The following CTNND2 variants were observed in gnomAD, a reference collection of about 807,000 sequenced individuals.
The protein encoded by CTNND2 is catenin delta-2.
Under a neutral mutation model 144.4 loss-of-function variants are expected in CTNND2, and 22 were observed. That is an observed-to-expected ratio of 0.15 (90% CI 0.11 to 0.22). The LOEUF is 0.22. Ranked by LOEUF, CTNND2 falls within the 10% of genes least tolerant of loss-of-function variation. The pLI, the probability that CTNND2 is intolerant of heterozygous loss-of-function variation, is 1.00. For synonymous variants in CTNND2, 751 were observed against 695.6 expected (o/e 1.08, Z -1.25); for missense variants, 1,353 against 1,618.8 (o/e 0.84, Z 2.82).
chr5:11,169,573 C>A (rs1003911410), intron 11 of CTNND2, among the ~76,000 whole-genome samples: 1 of 152,230 alleles, frequency 6.6e-6, no homozygotes, highest in East Asian at 1.9e-4. Flanking sequence ...CAGCACACAT[C>A]TTGGCAAGGC....
chr5:11,494,071 T>A (rs1769709342), intron 3 of CTNND2, among the ~76,000 whole-genome samples: 1 of 152,196 alleles, frequency 6.6e-6, no homozygotes, highest in Admixed American at 6.5e-5. Context: ...TATTGAAATT[T>A]AAAGGACTGT....
chr5:11,136,119 A>G (rs7732347), intron 12 of CTNND2, among the ~76,000 whole-genome samples: 94,393 of 151,896 alleles, frequency 0.62, 29,384 homozygotes, highest in East Asian at 0.73. Flanking sequence ...GTGAAGCAGA[A>G]AGCAGCCCTC....
intron 1 of CTNND2, among the ~76,000 whole-genome samples, chr5:11,810,857 G>A (rs1410900500): frequency 6.6e-6 from 1 of 151,196 alleles, no homozygotes; most frequent in Non-Finnish European, 1.5e-5. Context: ...GGCACTTAAG[G>A]GCCTATTTTT....
At chr5:11,295,279 C>T (rs10474918) in intron 9 of CTNND2, among the ~76,000 whole-genome samples, 12,242 of 151,920 alleles carry the variant, frequency 0.081, 587 homozygotes, top group Admixed American at 0.12. Context: ...TTACAAGGGA[C>T]GTGAAGGACC....
At chr5:11,892,295 C>T (rs1462113167) in intron 1 of CTNND2, among the ~76,000 whole-genome samples, 3 of 152,212 alleles carry the variant, frequency 2.0e-5, no homozygotes, top group African/African-American at 7.2e-5. Flanking sequence ...AATAGCCTAC[C>T]TTATTTGTCT....
intron 2 of CTNND2, among the ~76,000 whole-genome samples, chr5:11,596,236 T>C (rs978542749): frequency 6.6e-6 from 1 of 152,224 alleles, no homozygotes; most frequent in Non-Finnish European, 1.5e-5. Context: ...GAATACTGCA[T>C]CCTAATCACC....
intron 9 of CTNND2, among the ~76,000 whole-genome samples, chr5:11,265,101 A>G (rs983284559): frequency 6.6e-6 from 1 of 152,192 alleles, no homozygotes; most frequent in African/African-American, 2.4e-5. Context: ...CAAAAGAAAG[A>G]TATCAACAAG....
chr5:11,709,742 T>C (rs1261048483), intron 2 of CTNND2, among the ~76,000 whole-genome samples: 2 of 152,184 alleles, frequency 1.3e-5, no homozygotes, highest in African/African-American at 4.8e-5. Context: ...TGTCAGTAAG[T>C]ATAAGGTTGG....
intron 2 of CTNND2, 123 bp from the exon 3 acceptor site, chr5:11,565,179 G>T (rs1776979233): frequency 1.4e-6 from 1 of 710,050 alleles, no homozygotes; most frequent in Non-Finnish European, 2.5e-6. Flanking sequence ...TTTGAGAAAT[G>T]TGCAATAAAA....
chr5:11,287,929 G>A (rs988916918), intron 9 of CTNND2, among the ~76,000 whole-genome samples: 12 of 152,076 alleles, frequency 7.9e-5, no homozygotes, highest in African/African-American at 2.9e-4. Context: ...ATTTTCCTCA[G>A]CTGTAGTTTT....
intron 2 of CTNND2, among the ~76,000 whole-genome samples, chr5:11,574,421 G>T (rs1777814377): frequency 6.6e-6 from 1 of 152,102 alleles, no homozygotes; most frequent in Admixed American, 6.6e-5. Context: ...TAACAGTTCA[G>T]AAACCCATTG....
intron 9 of CTNND2, among the ~76,000 whole-genome samples, chr5:11,314,539 T>C (rs1175001080): frequency 1.3e-5 from 2 of 152,158 alleles, no homozygotes; most frequent in Non-Finnish European, 2.9e-5. Context: ...TTATTATTAC[T>C]ACTATTTGTA....
intron 2 of CTNND2, among the ~76,000 whole-genome samples, chr5:11,660,397 G>A (rs756531211): frequency 1.0e-3 from 152 of 152,134 alleles, no homozygotes; most frequent in Non-Finnish European, 1.2e-3. Context: ...AGGGATATCT[G>A]ACTCTGGGAA....
At chr5:11,774,191 G>C (rs1160456915) in intron 1 of CTNND2, among the ~76,000 whole-genome samples, 2 of 151,978 alleles carry the variant, frequency 1.3e-5, no homozygotes, top group Non-Finnish European at 2.9e-5. Flanking sequence ...ACATCAATTT[G>C]CCTATTTTTT....
intron 11 of CTNND2, among the ~76,000 whole-genome samples, chr5:11,196,947 C>A (rs764200199): frequency 4.6e-5 from 7 of 152,206 alleles, no homozygotes; most frequent in Non-Finnish European, 1.0e-4. Flanking sequence ...CTTTGGCTTG[C>A]TTTACATCAT....
chr5:11,181,952 G>A (rs903197344), intron 11 of CTNND2, among the ~76,000 whole-genome samples: 1 of 141,784 alleles, frequency 7.1e-6, no homozygotes, highest in Non-Finnish European at 1.5e-5. Context: ...GTGGGGGGGT[G>A]CGTGGTATCT....
In CTNND2 at chr5:11,246,852, G is replaced by C. The variant is rs550782828; in HGVS notation, c.1629-10029C>G. ...CGGAAGTAACAAGCCTCTGAGGCAG[G>C]AGTGTGCCTGGCATGTCAGACAAGA... is the stretch of plus-strand genomic sequence containing the variant. On this transcript the variant is annotated intron_variant, in intron 9 of 21. Coordinates refer to ENST00000304623, the MANE Select transcript of CTNND2 (RefSeq NM_001332.4). 1.8e-4 allele frequency among the ~76,000 whole-genome samples: 27 copies of C among 152,192 alleles called. No individual in the cohort carries two copies. The South Asian group carries it at 5.6e-3, about 32-fold the overall frequency.
intron 9 of CTNND2, among the ~76,000 whole-genome samples, chr5:11,301,561 C>T (rs1029145599): frequency 3.3e-5 from 5 of 152,160 alleles, no homozygotes; most frequent in Non-Finnish European, 7.3e-5. Flanking sequence ...TGTTGTTTCT[C>T]TCCAATGACC....
chr5:11,706,750 G>C (rs1785714537), intron 2 of CTNND2, among the ~76,000 whole-genome samples: 1 of 151,768 alleles, frequency 6.6e-6, no homozygotes, highest in African/African-American at 2.4e-5. Flanking sequence ...ATCATAATTA[G>C]TTTTTTTTGA....
Sources: gnomAD v4.1 joint callset for allele counts (sites outside exome capture counted in the v4.1 genomes callset) on GRCh38, gnomAD v4.1.1 for gene constraint, MANE v1.5 for transcripts, NCBI Gene and HGNC (gene_info 2026-07-23, HGNC 2026-07-21) for gene names.